Variants in DAAM2 observed in about 807,000 individuals in gnomAD.
The protein encoded by DAAM2 is disheveled-associated activator of morphogenesis 2.
A neutral mutation model predicts 120.7 loss-of-function variants in DAAM2; 39 were observed. The ratio of observed to expected loss-of-function variants is 0.32; its 90% confidence interval spans 0.25 to 0.42. DAAM2 has a LOEUF of 0.42. Ranked by LOEUF, DAAM2 falls within the 10% of genes least tolerant of loss-of-function variation. The probability of loss-of-function intolerance (pLI) is 1.00; values close to 1 mark genes in which losing one functional copy is unlikely to be tolerated. For synonymous variants in DAAM2, 488 were observed against 524.9 expected, an observed-to-expected ratio of 0.93 and a Z score of 0.96; for missense variants, 1,283 against 1,401.7, an observed-to-expected ratio of 0.92 and a Z score of 1.35.
At chr6:39,856,584 C>CCCAAGAGGAGTT in intron 2 of DAAM2, 114 bp downstream of exon 2, 1 of 847,186 alleles carries the variant, frequency 1.2e-6, no homozygotes, top group Non-Finnish European at 1.7e-6. Flanking sequence ...CAAAACTCCT[C>CCCAAGAGGAGTT]TTGGGAGGAG....
At chr6:39,810,377 C>A (rs1762126506) in intron 1 of DAAM2, among the ~76,000 whole-genome samples, 1 of 152,192 alleles carries the variant, frequency 6.6e-6, no homozygotes, top group African/African-American at 2.4e-5. Context: ...CAAACAAAAA[C>A]CTATGTAATC....
intron 1 of DAAM2, among the ~76,000 whole-genome samples, chr6:39,844,460 G>A (rs888997999): frequency 3.3e-5 from 5 of 152,062 alleles, no homozygotes; most frequent in African/African-American, 1.2e-4. Flanking sequence ...GCCCTAGTTT[G>A]GGCATCGTCT....
rs145901756 is a variant in DAAM2 at position 39,900,625 on chromosome 6, G to A, written c.2811+417G>A. On this transcript the variant is annotated intron_variant, in intron 23 of 24. Transcript: ENST00000274867. ...GCCTCTATCTGCTTCTCACACTAACGTGTCCATAGACCTCATGTATGGGGG... is the reference window on the plus strand; with the variant it reads ...GCCTCTATCTGCTTCTCACACTAACATGTCCATAGACCTCATGTATGGGGG... Among the ~76,000 whole-genome samples the A allele has an allele frequency of 2.2e-3, 332 of 152,270 alleles. 1 individual carries two copies. Among genetic ancestry groups the A allele is most frequent in the African/African-American group, 7.5e-3 (313 of 41,556 alleles).
chr6:39,842,213 G>T (rs1433132880), intron 1 of DAAM2, among the ~76,000 whole-genome samples: 1 of 152,218 alleles, frequency 6.6e-6, no homozygotes, highest in Non-Finnish European at 1.5e-5. Flanking sequence ...ACACGCTGCT[G>T]TTAGATGTCG....
At chr6:39,806,615 CT>C (rs1762015972) in intron 1 of DAAM2, among the ~76,000 whole-genome samples, 1 of 152,104 alleles carries the variant, frequency 6.6e-6, no homozygotes. Context: ...AAAAGGGAGT[CT>C]TCCCTCTGCC....
chr6:39,874,968 G>T (rs1190893153), intron 10 of DAAM2, among the ~76,000 whole-genome samples: 2 of 152,182 alleles, frequency 1.3e-5, no homozygotes, highest in Non-Finnish European at 2.9e-5. Flanking sequence ...TATTCAGCAT[G>T]TAATATTTTG....
At chr6:39,887,276 C>CTGGGGA (rs1278802138) in intron 15 of DAAM2, 5 of 516,894 alleles carry the variant, frequency 9.7e-6, no homozygotes, top group Non-Finnish European at 3.4e-6. Flanking sequence ...CGGTGTCCTT[C>CTGGGGA]CCCAACCCAT....
At position 39,872,306 on chromosome 6, in the gene DAAM2, C is replaced by T. The variant is rs148980741; in HGVS notation, c.1044+734C>T. Among the ~76,000 whole-genome samples, 126 of 152,260 alleles carry T rather than the reference C, an allele frequency of 8.3e-4. No individual in the cohort carries two copies. In the East Asian group the frequency reaches 0.018, roughly 21 times the overall value. Reference sequence around the variant, plus strand: ...GATCCAGTCAAGTTGACACCTAAAACGAACCATCACATCTCACTTCCAGAG... The same window carrying T: ...GATCCAGTCAAGTTGACACCTAAAATGAACCATCACATCTCACTTCCAGAG... On this transcript the variant is annotated intron_variant, in intron 9 of 24. Transcript: ENST00000274867.
At position 39,897,423 on chromosome 6, in the gene DAAM2, A is replaced by C. The variant is rs546086583; in HGVS notation, c.2618+141A>C. The C allele has an allele frequency of 4.4e-4, 272 of 613,494 alleles. 5 individuals carry two copies. The Admixed American group carries it at 6.8e-3, about 15-fold the overall frequency. 38.0% of individuals were successfully genotyped at this position (613,494 alleles called of 1,614,324 possible). ...TGTCTTCTGAGTTCAAAAGAATTTAAACAGACACACAGCAAAGGGGGTTTA... is the reference window on the plus strand; with the variant it reads ...TGTCTTCTGAGTTCAAAAGAATTTACACAGACACACAGCAAAGGGGGTTTA... On this transcript the variant is annotated intron_variant, in intron 21 of 24. Coordinates refer to ENST00000274867, the MANE Select transcript of DAAM2 (RefSeq NM_001201427.2).
chr6:39,891,457 T>A lies in DAAM2; in HGVS notation c.2252+10T>A, dbSNP rs1404633527. ...TCTATGAAATGAGCAGGTTGGGCCA[T>A]GGGCATGGTGGGGATTCAAGCAGGT... On this transcript the variant is annotated intron_variant, in intron 18 of 24. Coordinates refer to ENST00000274867, the MANE Select transcript of DAAM2 (RefSeq NM_001201427.2). 1.9e-6 allele frequency: 3 copies of A among 1,595,442 alleles called. No individual in the cohort carries two copies. In the South Asian group the frequency reaches 3.4e-5, roughly 18 times the overall value.
At chr6:39,895,951 C>A (rs1766055835) in intron 19 of DAAM2, among the ~76,000 whole-genome samples, 1 of 152,258 alleles carries the variant, frequency 6.6e-6, no homozygotes, top group African/African-American at 2.4e-5. Flanking sequence ...TTCATCAAAT[C>A]TTAGACACTA....
chr6:39,842,362 T>C (rs1020734698), intron 1 of DAAM2, among the ~76,000 whole-genome samples: 3 of 152,190 alleles, frequency 2.0e-5, no homozygotes, highest in African/African-American at 7.2e-5. Flanking sequence ...CCAGGTGAGA[T>C]GGCTCATGCG....
chr6:39,813,166 G>A (rs113198963), intron 1 of DAAM2, among the ~76,000 whole-genome samples: 11,169 of 151,276 alleles, frequency 0.074, 609 homozygotes, highest in Non-Finnish European at 0.11. Context: ...GTGTGTGTGT[G>A]CGTGTGTGTG....
chr6:39,796,448 TTTG>T (rs1475779898), intron 1 of DAAM2, among the ~76,000 whole-genome samples: 3 of 152,114 alleles, frequency 2.0e-5, no homozygotes, highest in Admixed American at 6.6e-5. Context: ...CATTTTTTGG[TTTG>T]TTTTTTGTTT....
intron 1 of DAAM2, among the ~76,000 whole-genome samples, chr6:39,800,639 G>A (rs531236811): frequency 3.7e-4 from 57 of 152,232 alleles, no homozygotes; most frequent in African/African-American, 1.3e-3. Flanking sequence ...GAGCAGCCCC[G>A]GCTAAAGAGA....
At chr6:39,893,833 C>T (rs1010160187) in intron 19 of DAAM2, among the ~76,000 whole-genome samples, 1 of 152,050 alleles carries the variant, frequency 6.6e-6, no homozygotes, top group African/African-American at 2.4e-5. Flanking sequence ...CTTATTCTTC[C>T]TTCCAGTTCT....
rs147071097 is a variant in DAAM2, at chr6:39,833,839, A to G, written c.-56-22408A>G. Among the ~76,000 whole-genome samples the G allele has an allele frequency of 1.3e-3, 204 of 152,330 alleles. 1 individual carries two copies. The highest frequency in any genetic ancestry group is 4.4e-3 in the African/African-American group (182 of 41,566). On this transcript the variant is annotated intron_variant, in intron 1 of 24. Coordinates refer to ENST00000274867, the MANE Select transcript of DAAM2 (RefSeq NM_001201427.2). ...GTAAATATGTTGGGAAATATTTTAA[A>G]TATTTTCCTTGTGAAATCCTCTGTA... is the stretch of plus-strand genomic sequence containing the variant.
intron 1 of DAAM2, among the ~76,000 whole-genome samples, chr6:39,838,142 C>T (rs1763179789): frequency 6.6e-6 from 1 of 152,164 alleles, no homozygotes; most frequent in African/African-American, 2.4e-5. Context: ...ACAGTGTTGC[C>T]AGCAACTAGC....
intron 1 of DAAM2, among the ~76,000 whole-genome samples, chr6:39,816,653 T>A (rs577335530): frequency 6.6e-6 from 1 of 152,344 alleles, no homozygotes; most frequent in South Asian, 2.1e-4. Flanking sequence ...ACTTTACCTC[T>A]GTATTTAAGT....
Sources: allele counts gnomAD v4.1 joint callset (sites outside exome capture counted in the v4.1 genomes callset), GRCh38; gene constraint gnomAD v4.1.1; transcripts MANE v1.5; gene names NCBI Gene and HGNC (gene_info 2026-07-23, HGNC 2026-07-21).